NUMB: variants seen among roughly 807,000 people sequenced by gnomAD.
The protein encoded by NUMB is protein numb homolog.
Under a neutral mutation model 59.7 loss-of-function variants are expected in NUMB, and 29 were observed. The observed-to-expected ratio is 0.49, with a 90% CI of 0.36 to 0.66. NUMB has a LOEUF of 0.66. Among genes scored for constraint, NUMB ranks in the 30% least tolerant of loss-of-function variants. NUMB has a pLI of 0.00. For synonymous variants in NUMB, 288 were observed against 288.2 expected (o/e 1.00, Z 0.01); for missense variants, 723 against 822.0 (o/e 0.88, Z 1.47).
Position 73,276,887 on chromosome 14 carries a change from A to AT in NUMB, c.1646dup (p.His549GlnfsTer29). On this transcript the variant is annotated frameshift_variant, in exon 13 of 13. Coordinates refer to ENST00000555238, the MANE Select transcript of NUMB (RefSeq NM_001005743.2). LOFTEE classifies it high-confidence loss of function. The stretch of plus-strand genomic sequence containing the variant: ...TGACCAGGCTGGGTGACTGATGGGG[A>AT]TGGGCAGCCTGAGGGTGGCCTGCAG... The AT allele has an allele frequency of 6.2e-7, 1 of 1,613,986 alleles. No individual in the cohort carries two copies. Among genetic ancestry groups the AT allele is most frequent in the South Asian group, 1.1e-5 (1 of 91,074 alleles).
At chr14:73,405,435 C>CT (rs56778084) in intron 2 of NUMB, among the ~76,000 whole-genome samples, 1,464 of 127,338 alleles carry the variant, frequency 0.011, 10 homozygotes, top group South Asian at 0.017. Context: ...TTTTCTTTCT[C>CT]TTTTTTTTTT....
At chr14:73,402,897 C>T (rs1376565119) in intron 2 of NUMB, among the ~76,000 whole-genome samples, 5 of 152,224 alleles carry the variant, frequency 3.3e-5, no homozygotes, top group African/African-American at 9.7e-5. Flanking sequence ...TAATAAAGCA[C>T]CTATGTGCTG....
At chr14:73,445,390 A>C (rs1038853090) in intron 1 of NUMB, among the ~76,000 whole-genome samples, 9 of 144,626 alleles carry the variant, frequency 6.2e-5, no homozygotes, top group Non-Finnish European at 1.1e-4. Context: ...AAAAAAAAAA[A>C]AAAAAACTTA....
chr14:73,453,853 T>C lies in NUMB; in HGVS notation c.-233+4640A>G, dbSNP rs1352356105. ...CGATCTCCTGACCTCGTGATCCGTC[T>C]GCCTCGGCCTCCCAAAGTGCTGGGA... On this transcript the variant is annotated intron_variant, in intron 1 of 12. Coordinates refer to ENST00000555238, the MANE Select transcript of NUMB (RefSeq NM_001005743.2). Among the ~76,000 whole-genome samples the C allele has an allele frequency of 2.6e-5, 4 of 151,854 alleles. 1 individual carries two copies. In the Middle Eastern group the frequency reaches 0.01, roughly 387 times the overall value.
chr14:73,405,438 T>C lies in NUMB; in HGVS notation c.-101+4499A>G, dbSNP rs936607592. 1.3e-3 allele frequency among the ~76,000 whole-genome samples: 63 copies of C among 50,240 alleles called. 1 individual carries two copies. Among genetic ancestry groups the C allele is most frequent in the Middle Eastern group, 7.1e-3 (1 of 140 alleles). The allele number at this position is 50,240 out of a possible 152,430, so 33.0% of individuals were successfully genotyped here. A position where few individuals can be genotyped will look rare whatever the true frequency, so the allele number is the denominator to read the frequency against. On this transcript the variant is annotated intron_variant, in intron 2 of 12. Coordinates refer to ENST00000555238, the MANE Select transcript of NUMB (RefSeq NM_001005743.2). ...CTTTAGGTATTTTTTTCTTTCTCTT[T>C]TTTTTTTTTTTTTTTTTTTGACAGG...
intron 3 of NUMB, 95 bp from the exon 4 acceptor site, chr14:73,355,861 A>T: frequency 1.1e-6 from 1 of 901,468 alleles, no homozygotes; most frequent in Non-Finnish European, 1.6e-6. Flanking sequence ...CTGATGTCCA[A>T]AATTAAAGGT....
At chr14:73,298,402 T>C (rs1052205038) in intron 6 of NUMB, 2 of 152,338 alleles carry the variant, frequency 1.3e-5, no homozygotes, top group African/African-American at 2.4e-5. Context: ...TGGAGACATT[T>C]TGGGGACACA....
intron 4 of NUMB, among the ~76,000 whole-genome samples, chr14:73,352,503 TATATATATATATATATATATATATATG>T (rs1308048970): frequency 0.024 from 344 of 14,200 alleles, 63 homozygotes; most frequent in African/African-American, 0.12. Context: ...TATATATATA[TATATATATATATATATATATATATATG>T]TTTTTTTTTT....
intron 2 of NUMB, among the ~76,000 whole-genome samples, chr14:73,372,914 T>C: frequency 6.6e-6 from 1 of 152,202 alleles, no homozygotes; most frequent in East Asian, 1.9e-4. Context: ...ATTTCACTTA[T>C]CTTTAAGTGG....
chr14:73,417,943 A>T (rs964679904), intron 1 of NUMB, among the ~76,000 whole-genome samples: 2 of 152,140 alleles, frequency 1.3e-5, no homozygotes, highest in African/African-American at 4.8e-5. Context: ...CATCTCTACT[A>T]AAAGTACAAA....
At chr14:73,409,070 A>G (rs1231583686) in intron 2 of NUMB, 1 of 152,076 alleles carries the variant, frequency 6.6e-6, no homozygotes, top group African/African-American at 2.4e-5. Context: ...TATATTCTTT[A>G]TCTCAAAAGT....
At chr14:73,452,794 C>T (rs1884078098) in intron 1 of NUMB, among the ~76,000 whole-genome samples, 1 of 152,000 alleles carries the variant, frequency 6.6e-6, no homozygotes, top group African/African-American at 2.4e-5. Context: ...CCTTCCAAGG[C>T]TCTCATCCTC....
chr14:73,433,197 A>G (rs1433880941), intron 1 of NUMB, among the ~76,000 whole-genome samples: 1 of 151,614 alleles, frequency 6.6e-6, no homozygotes, highest in Non-Finnish European at 1.5e-5. Flanking sequence ...CAAGGCAGGC[A>G]GATCACTTGA....
intron 2 of NUMB, among the ~76,000 whole-genome samples, chr14:73,391,029 A>G (rs1895828984): frequency 6.9e-6 from 1 of 145,292 alleles, no homozygotes; most frequent in African/African-American, 2.5e-5. Context: ...CTTGTTGAAT[A>G]TATTCAACCT....
At chr14:73,335,338 A>G (rs896376222) in intron 4 of NUMB, among the ~76,000 whole-genome samples, 1 of 150,742 alleles carries the variant, frequency 6.6e-6, no homozygotes, top group African/African-American at 2.4e-5. Context: ...GACTTGGTAG[A>G]AGGGAACAAA....
chr14:73,456,925 T>G (rs1884415649), intron 1 of NUMB, among the ~76,000 whole-genome samples: 1 of 152,212 alleles, frequency 6.6e-6, no homozygotes, highest in African/African-American at 2.4e-5. Context: ...AGCTAACATC[T>G]GCGAGCCAGG....
At chr14:73,388,047 C>T (rs1044857873) in intron 2 of NUMB, among the ~76,000 whole-genome samples, 1 of 151,682 alleles carries the variant, frequency 6.6e-6, no homozygotes, top group Non-Finnish European at 1.5e-5. Context: ...GTCAAGGCTG[C>T]AGTGAGCTAT....
At chr14:73,326,194 A>T (rs993373200) in intron 4 of NUMB, among the ~76,000 whole-genome samples, 4 of 152,212 alleles carry the variant, frequency 2.6e-5, no homozygotes, top group Admixed American at 2.6e-4. Context: ...ATCTGATTCT[A>T]ATTAGCATAC....
At chr14:73,404,302 C>A (rs1896557304) in intron 2 of NUMB, among the ~76,000 whole-genome samples, 2 of 150,826 alleles carry the variant, frequency 1.3e-5, no homozygotes, top group South Asian at 4.2e-4. Context: ...TGCTTCAAAA[C>A]AAAAGCCCTG....
Sources: gnomAD v4.1 joint callset for allele counts (sites outside exome capture counted in the v4.1 genomes callset) on GRCh38, gnomAD v4.1.1 for gene constraint, MANE v1.5 for transcripts, NCBI Gene and HGNC (gene_info 2026-07-23, HGNC 2026-07-21) for gene names.